The following SIK3 variants were observed in gnomAD, a reference collection of about 807,000 sequenced individuals.
SIK3 encodes the protein serine/threonine-protein kinase SIK3.
In SIK3, 28 loss-of-function variants were observed where a neutral mutation model predicts 144.2. The observed-to-expected ratio is 0.19, with a 90% CI of 0.14 to 0.27. SIK3 has a LOEUF of 0.27. Ranked by LOEUF, SIK3 falls within the 10% of genes least tolerant of loss-of-function variation. SIK3 has a pLI of 1.00. For synonymous variants in SIK3, 686 were observed against 676.3 expected, an observed-to-expected ratio of 1.01 and a Z score of -0.22; for missense variants, 1,319 against 1,776.0, an observed-to-expected ratio of 0.74 and a Z score of 4.62.
In SIK3 at chr11:116,876,294, C is replaced by T; in HGVS notation, c.1054G>A (p.Ala352Thr). Residue 352 changes from alanine to threonine, a missense_variant, in exon 8 of 25, where the codon GCC becomes ACC. Ala to Thr is a moderately conservative substitution (Grantham distance 58, BLOSUM62 0). Transcript: ENST00000445177. Reference sequence around the variant, plus strand: ...TTGTCCAGTCCCATGTCCTCCATGGCCAAGAGGACATCCTCATTCAGGGGG... The same window carrying T: ...TTGTCCAGTCCCATGTCCTCCATGGTCAAGAGGACATCCTCATTCAGGGGG... Reference protein sequence around the residue: ...VDPLNEDVLLAMEDMGLDKEQ... With the variant: ...VDPLNEDVLLTMEDMGLDKEQ... The T allele has an allele frequency of 6.2e-7, 1 of 1,614,234 alleles. No homozygotes were observed. Among genetic ancestry groups the T allele is most frequent in the Non-Finnish European group, 8.5e-7 (1 of 1,180,042 alleles).
chr11:116,897,024 T>G (rs1425289620), intron 5 of SIK3, among the ~76,000 whole-genome samples, 169 bp downstream of exon 5: 3 of 60,362 alleles, frequency 5.0e-5, no homozygotes, highest in Non-Finnish European at 1.2e-4. Flanking sequence ...GAGACTCTGT[T>G]TCAAAAAAAA....
At chr11:116,874,206 C>A (rs2134542874) in intron 11 of SIK3, 150 bp from the exon 12 acceptor site, 2 of 832,482 alleles carry the variant, frequency 2.4e-6, no homozygotes, top group African/African-American at 1.8e-5. Flanking sequence ...TAAAGCAAAG[C>A]AAAAGCCTAA....
intron 1 of SIK3, among the ~76,000 whole-genome samples, chr11:117,071,660 C>T (rs1453293311): frequency 6.6e-6 from 1 of 152,148 alleles, no homozygotes; most frequent in Non-Finnish European, 1.5e-5. Context: ...CTCTGTCCTC[C>T]AGGCTGGAAT....
intron 1 of SIK3, among the ~76,000 whole-genome samples, chr11:116,988,775 C>T (rs1950406745): frequency 1.3e-5 from 2 of 151,472 alleles, no homozygotes; most frequent in Admixed American, 1.3e-4. Context: ...GCCTAGGTAA[C>T]AAAGCAAGAC....
intron 1 of SIK3, among the ~76,000 whole-genome samples, chr11:117,061,853 A>C (rs1035584330): frequency 1.3e-5 from 2 of 152,226 alleles, no homozygotes; most frequent in African/African-American, 4.8e-5. Context: ...TACGTTACAA[A>C]AAAAGAGAAT....
chr11:117,058,037 T>C (rs570265357), intron 1 of SIK3, among the ~76,000 whole-genome samples: 1 of 152,248 alleles, frequency 6.6e-6, no homozygotes, highest in African/African-American at 2.4e-5. Context: ...ACACATAAGC[T>C]AAGTCCTTAA....
At chr11:117,094,701 A>G (rs1327039995) in intron 1 of SIK3, among the ~76,000 whole-genome samples, 4 of 152,198 alleles carry the variant, frequency 2.6e-5, no homozygotes, top group Non-Finnish European at 5.9e-5. Flanking sequence ...GGCACAGGCA[A>G]CAGACTACCT....
intron 1 of SIK3, among the ~76,000 whole-genome samples, chr11:117,095,432 ACT>A (rs1382914243): frequency 2.0e-4 from 30 of 152,032 alleles, no homozygotes; most frequent in Admixed American, 1.4e-3. Flanking sequence ...GAAAAAAATA[ACT>A]CTCTGTTTCC....
At chr11:116,928,066 C>A (rs879605429) in intron 3 of SIK3, among the ~76,000 whole-genome samples, 1 of 152,096 alleles carries the variant, frequency 6.6e-6, no homozygotes, top group Non-Finnish European at 1.5e-5. Flanking sequence ...AAGTTTCTAC[C>A]AACTCAAATA....
chr11:116,957,416 G>A (rs914049981), intron 1 of SIK3, among the ~76,000 whole-genome samples: 13 of 152,114 alleles, frequency 8.5e-5, no homozygotes, highest in African/African-American at 3.1e-4. Flanking sequence ...CTCTCATTAA[G>A]ACAAGAAGCT....
At position 117,046,060 on chromosome 11, in the gene SIK3, T is replaced by C. The variant is rs528049300; in HGVS notation, c.273+52083A>G. Among the ~76,000 whole-genome samples the C allele has an allele frequency of 5.9e-5, 9 of 152,356 alleles. No individual in the cohort carries two copies. The South Asian group carries it at 1.7e-3, about 28-fold the overall frequency. On this transcript the variant is annotated intron_variant, in intron 1 of 24. Coordinates refer to ENST00000445177, the MANE Select transcript of SIK3 (RefSeq NM_001366686.3). ...TAGACAATGAGAGAAAGCCCTACCA[T>C]TCATTGGTGGTAAGTGCAGTGGGCA...
At chr11:117,066,010 C>G (rs201574681) in intron 1 of SIK3, among the ~76,000 whole-genome samples, 1 of 151,582 alleles carries the variant, frequency 6.6e-6, no homozygotes, top group East Asian at 1.9e-4. Context: ...TCTAAAATTC[C>G]TGGTGTCTTA....
At chr11:117,068,751 T>C (rs1244384464) in intron 1 of SIK3, among the ~76,000 whole-genome samples, 1 of 152,212 alleles carries the variant, frequency 6.6e-6, no homozygotes, top group Non-Finnish European at 1.5e-5. Context: ...GAGACCCTGT[T>C]TCAAAAGAAA....
chr11:116,992,801 T>C lies in SIK3; in HGVS notation c.274-35737A>G, dbSNP rs73006557. Among the ~76,000 whole-genome samples, 122 of 152,200 alleles carry C rather than the reference T, an allele frequency of 8.0e-4. 2 individuals are homozygous for C. Among genetic ancestry groups the C allele is most frequent in the Non-Finnish European group, 5.0e-4 (34 of 68,004 alleles). On this transcript the variant is annotated intron_variant, in intron 1 of 24. Transcript: ENST00000445177. ...AAGTTCAAGACCAGCCTAGGCAACA[T>C]GGAGGGACCTCATCTCTACAGAAAA...
chr11:117,045,972 G>A (rs1952945338), intron 1 of SIK3, among the ~76,000 whole-genome samples: 1 of 152,362 alleles, frequency 6.6e-6, no homozygotes, highest in East Asian at 1.9e-4. Flanking sequence ...TTCTGTGGCA[G>A]ACTCAGGATG....
chr11:116,894,584 A>T (rs1945295498), intron 6 of SIK3, among the ~76,000 whole-genome samples: 2 of 152,230 alleles, frequency 1.3e-5, no homozygotes, highest in African/African-American at 2.4e-5. Context: ...CCTGGGTTCA[A>T]ATTCTACTTC....
intron 3 of SIK3, among the ~76,000 whole-genome samples, chr11:116,941,764 G>A (rs1948318661): frequency 6.6e-6 from 1 of 152,080 alleles, no homozygotes; most frequent in African/African-American, 2.4e-5. Flanking sequence ...GTTCTGCCTG[G>A]TATTCAGGAA....
intron 1 of SIK3, among the ~76,000 whole-genome samples, chr11:116,995,141 C>G (rs974039761): frequency 6.6e-5 from 10 of 151,792 alleles, no homozygotes; most frequent in Non-Finnish European, 1.3e-4. Flanking sequence ...ATGGCGCATG[C>G]CCGTAATCCC....
At chr11:116,904,117 T>C (rs1945887925) in intron 4 of SIK3, among the ~76,000 whole-genome samples, 1 of 152,294 alleles carries the variant, frequency 6.6e-6, no homozygotes, top group African/African-American at 2.4e-5. Flanking sequence ...CCAATGGGAA[T>C]AGCAATGTGT....
Sources: gnomAD v4.1 joint callset for allele counts (sites outside exome capture counted in the v4.1 genomes callset) on GRCh38, gnomAD v4.1.1 for gene constraint, MANE v1.5 for transcripts, NCBI Gene and HGNC (gene_info 2026-07-23, HGNC 2026-07-21) for gene names.